COL9A3: variants seen among roughly 807,000 people sequenced by gnomAD.
COL9A3 encodes the protein collagen alpha-3(IX) chain.
In COL9A3, 82 loss-of-function variants were observed where a neutral mutation model predicts 110.2. The observed-to-expected ratio is 0.74, with a 90% confidence interval of 0.62 to 0.89. The LOEUF (loss-of-function observed/expected upper bound fraction) is 0.89, where lower values mean the gene tolerates loss of function less well. Among genes scored for constraint, COL9A3 ranks in the 40% least tolerant of loss-of-function variants. The pLI is 0.00. For missense variants in COL9A3, 1,066 were observed against 981.3 expected (o/e 1.09, Z -1.15); for synonymous variants, 494 against 403.8 (o/e 1.22, Z -2.68).
At position 62,836,588 on chromosome 20, in the gene COL9A3, G is replaced by A. The variant is rs996956124; in HGVS notation, c.1603+56G>A. On this transcript the variant is annotated intron_variant, in intron 29 of 31. Coordinates refer to ENST00000649368, the MANE Select transcript of COL9A3 (RefSeq NM_001853.4). ...GGGCCCATCCCCGCCTGGGGGTCCCGTGCCTGGGGCTACACAGAAAGCCTT... is the reference window on the plus strand; with the variant it reads ...GGGCCCATCCCCGCCTGGGGGTCCCATGCCTGGGGCTACACAGAAAGCCTT... 9.9e-5 allele frequency: 152 copies of A among 1,534,114 alleles called. No individual in the cohort carries two copies. The African/African-American group carries it at 1.6e-3, about 17-fold the overall frequency.
intron 15 of COL9A3, 23 bp from the exon 16 acceptor site, chr20:62,827,206 TTAACTCTGTCCC>T (rs1447433301): frequency 6.2e-7 from 1 of 1,611,902 alleles, no homozygotes; most frequent in Non-Finnish European, 8.5e-7. Context: ...CTCCATGGTG[TTAACTCTGTCCC>T]TGCCCCACCT....
At position 62,824,952 on chromosome 20, in the gene COL9A3, C is replaced by A; in HGVS notation, c.577-16C>A. 2 of 1,607,560 alleles carry A rather than the reference C, an allele frequency of 1.2e-6. No homozygotes were observed. Among genetic ancestry groups the A allele is most frequent in the Middle Eastern group, 1.7e-4 (1 of 5,922 alleles). On this transcript the variant is annotated splice_polypyrimidine_tract_variant and intron_variant, in intron 11 of 31. Coordinates refer to ENST00000649368, the MANE Select transcript of COL9A3 (RefSeq NM_001853.4). ...GGGGGGTCTGGGTGGGGCAGTGACC[C>A]CACATTTGCTTGCAGGGACCCACTG...
In COL9A3 at chr20:62,828,997, G is replaced by A. The variant is rs368713419; in HGVS notation, c.1008+21G>A. The A allele has an allele frequency of 2.9e-5, 46 of 1,585,288 alleles. No homozygotes were observed. In the African/African-American group the frequency reaches 5.8e-4, roughly 20 times the overall value. ...TGCCGGTGAGTGCCCGGCGGGTGGG[G>A]CCAGCCTGGGGCGCCACAGCTTCTG... On this transcript the variant is annotated intron_variant, in intron 19 of 31. Coordinates refer to ENST00000649368, the MANE Select transcript of COL9A3 (RefSeq NM_001853.4).
At chr20:62,838,321 C>T (rs1026559971) in intron 30 of COL9A3, among the ~76,000 whole-genome samples, 9 of 152,204 alleles carry the variant, frequency 5.9e-5, no homozygotes, top group African/African-American at 2.2e-4. Context: ...TGCAGACCTG[C>T]ACAGCCTGTT....
intron 26 of COL9A3, among the ~76,000 whole-genome samples, chr20:62,833,614 A>G (rs952206945): frequency 1.3e-5 from 2 of 151,898 alleles, no homozygotes; most frequent in African/African-American, 4.8e-5. Context: ...CGTGTTAGCC[A>G]GGATGGTCTC....
At position 62,825,883 on chromosome 20, in the gene COL9A3, AG is replaced by A; in HGVS notation, c.684+17del. 1 of 1,558,182 alleles carries A rather than the reference AG, an allele frequency of 6.4e-7. No homozygotes were observed. The highest frequency in any genetic ancestry group is 8.7e-7 in the Non-Finnish European group (1 of 1,150,836). On this transcript the variant is annotated intron_variant, in intron 13 of 31. Coordinates refer to ENST00000649368, the MANE Select transcript of COL9A3 (RefSeq NM_001853.4). Reference sequence around the variant, plus strand: ...CGTGGGGCTGCAGGTGAGGCTAGGAAGGGGTAAGGATGGTGGGATGGGAACT... The same window carrying A: ...CGTGGGGCTGCAGGTGAGGCTAGGAAGGGTAAGGATGGTGGGATGGGAACT...
chr20:62,830,443 T>TG lies in COL9A3; in HGVS notation c.1215+36dup, dbSNP rs397840562. 289,049 of 1,573,964 alleles carry TG rather than the reference T, an allele frequency of 0.18. 27,501 individuals carry two copies. The highest frequency in any genetic ancestry group is 0.29 in the African/African-American group (21,389 of 74,108). On this transcript the variant is annotated intron_variant, in intron 23 of 31. Transcript: ENST00000649368. ...GTGAGGTTGGGGCAAGGGCCTGGCA[T>TG]GGGGGGCGGCACACCCAGACGGGCC... is the stretch of plus-strand genomic sequence containing the variant.
chr20:62,822,578 C>T lies in COL9A3; in HGVS notation c.478-13C>T, dbSNP rs971831550. On this transcript the variant is annotated splice_polypyrimidine_tract_variant and intron_variant, in intron 9 of 31. Transcript: ENST00000649368. ...GAGGGCGGGAGAATGTCAGCTGTCTCTTTTTGTCTTAGGGACACCCAGGAG... is the reference window on the plus strand; with the variant it reads ...GAGGGCGGGAGAATGTCAGCTGTCTTTTTTTGTCTTAGGGACACCCAGGAG... 2 of 1,612,218 alleles carry T rather than the reference C, an allele frequency of 1.2e-6. No individual in the cohort carries two copies. Among genetic ancestry groups the T allele is most frequent in the South Asian group, 1.1e-5 (1 of 91,024 alleles).
intron 19 of COL9A3, 113 bp from the exon 20 acceptor site, chr20:62,829,342 C>A: frequency 2.1e-6 from 3 of 1,416,598 alleles, no homozygotes; most frequent in Non-Finnish European, 2.9e-6. Flanking sequence ...GTTGGCCCTG[C>A]CTTTGGGTGC....
At chr20:62,825,576 G>A (rs2063545830) in intron 12 of COL9A3, 3 of 602,472 alleles carry the variant, frequency 5.0e-6, no homozygotes, top group Admixed American at 2.8e-5. Flanking sequence ...GGCCTGGACA[G>A]GGCTGAAGGG....
intron 6 of COL9A3, 107 bp downstream of exon 6, chr20:62,821,323 C>G: frequency 7.3e-7 from 1 of 1,371,854 alleles, no homozygotes; most frequent in East Asian, 2.4e-5. Context: ...CCCTGGCCCT[C>G]TCATCTGCAG....
intron 3 of COL9A3, among the ~76,000 whole-genome samples, 155 bp downstream of exon 3, chr20:62,818,708 C>CCT (rs2147195821): frequency 6.6e-6 from 1 of 152,318 alleles, no homozygotes; most frequent in Admixed American, 6.5e-5. Context: ...CTGGAGCCAG[C>CCT]GGGGCGGGAG....
At chr20:62,825,948 C>G in intron 13 of COL9A3, 78 bp downstream of exon 13, 1 of 1,455,866 alleles carries the variant, frequency 6.9e-7, no homozygotes, top group Non-Finnish European at 9.4e-7. Flanking sequence ...ATATCTACCC[C>G]CGAGGGGGCC....
chr20:62,818,579 G>A, intron 3 of COL9A3, 26 bp downstream of exon 3: 1 of 1,609,120 alleles, frequency 6.2e-7, no homozygotes, highest in African/African-American at 1.3e-5. Context: ...TGGGGAGACA[G>A]CCTTTTTCCA....
chr20:62,817,223 G>A, intron 1 of COL9A3, 81 bp downstream of exon 1: 1 of 1,076,710 alleles, frequency 9.3e-7, no homozygotes. Context: ...CGGGGTGCCC[G>A]GCGCAGCCTC....
chr20:62,824,363 G>A (rs898180174), intron 10 of COL9A3, 82 bp from the exon 11 acceptor site: 1 of 1,443,146 alleles, frequency 6.9e-7, no homozygotes, highest in Middle Eastern at 1.8e-4. Flanking sequence ...TGGCCTCCTG[G>A]GGTCCCGCGG....
chr20:62,837,066 C>T lies in COL9A3; in HGVS notation c.1604-17C>T, dbSNP rs769879303. 2 of 1,612,188 alleles carry T rather than the reference C, an allele frequency of 1.2e-6. No homozygotes were observed. Among genetic ancestry groups the T allele is most frequent in the Admixed American group, 3.3e-5 (2 of 60,020 alleles). Reference sequence around the variant, plus strand: ...ATCCTCTCTCGAGTAAACGCCTGCACCCTTGTTTTCCCAAAGAACAAATTG... The same window carrying T: ...ATCCTCTCTCGAGTAAACGCCTGCATCCTTGTTTTCCCAAAGAACAAATTG... On this transcript the variant is annotated splice_polypyrimidine_tract_variant and intron_variant, in intron 29 of 31. Coordinates refer to ENST00000649368, the MANE Select transcript of COL9A3 (RefSeq NM_001853.4).
In COL9A3 at chr20:62,817,082, G is replaced by C. The variant is rs1247228061; in HGVS notation, c.18G>C (p.Ala6=). The change falls in exon 1 of 32, where the codon GCG becomes GCC. Residue 6 remains alanine (A), a synonymous_variant. Coordinates refer to ENST00000649368, the MANE Select transcript of COL9A3 (RefSeq NM_001853.4). The part of the protein sequence containing the change: MAGPR[A]CAPLLLLLLL... ...GCTCAGCCATGGCCGGGCCGCGCGC[G>C]TGCGCCCCGCTCCTGCTCCTGCTCC... 9 of 1,389,764 alleles carry C rather than the reference G, an allele frequency of 6.5e-6. No individual in the cohort carries two copies. Among genetic ancestry groups the C allele is most frequent in the Non-Finnish European group, 7.5e-6 (8 of 1,065,998 alleles). 86.1% of individuals were successfully genotyped at this position (1,389,764 alleles called of 1,614,324 possible).
At chr20:62,820,862 G>C (rs530748989) in intron 5 of COL9A3, among the ~76,000 whole-genome samples, 7 of 152,192 alleles carry the variant, frequency 4.6e-5, no homozygotes, top group Non-Finnish European at 2.9e-5. Context: ...GACTCAGCAG[G>C]CTCCGTGGGT....
Sources: allele counts gnomAD v4.1 joint callset (sites outside exome capture counted in the v4.1 genomes callset), GRCh38; gene constraint gnomAD v4.1.1; transcripts MANE v1.5; gene names NCBI Gene and HGNC (gene_info 2026-07-23, HGNC 2026-07-21).